The following LDLRAD4 variants were observed in gnomAD, a reference collection of about 807,000 sequenced individuals.
LDLRAD4 encodes the protein low density lipoprotein receptor class A domain containing 4.
LDLRAD4 carries 5 observed loss-of-function variants against 17.0 expected under a neutral mutation model. The observed-to-expected ratio is 0.29, with a 90% CI of 0.15 to 0.62. The LOEUF (loss-of-function observed/expected upper bound fraction) is 0.62. LDLRAD4 is among the 20% of genes least tolerant of loss of function. LDLRAD4 has a pLI of 0.84. For synonymous variants in LDLRAD4, 168 were observed against 171.8 expected (o/e 0.98, Z 0.17); for missense variants, 340 against 424.7 (o/e 0.80, Z 1.75).
intron 3 of LDLRAD4, among the ~76,000 whole-genome samples, chr18:13,483,653 C>G (rs2093150846): frequency 6.6e-6 from 1 of 152,208 alleles, no homozygotes; most frequent in Non-Finnish European, 1.5e-5. Context: ...TACCAAACGC[C>G]AGATACTGTG....
chr18:13,318,430 T>G (rs1332594733), intron 1 of LDLRAD4, among the ~76,000 whole-genome samples: 8 of 151,952 alleles, frequency 5.3e-5, no homozygotes, highest in African/African-American at 1.9e-4. Context: ...CCCGGCTAAT[T>G]TTTGTATTTT....
chr18:13,500,145 T>A (rs1413366361), intron 3 of LDLRAD4, among the ~76,000 whole-genome samples: 1 of 152,172 alleles, frequency 6.6e-6, no homozygotes, highest in East Asian at 1.9e-4. Context: ...TTAGGAAAGG[T>A]TGCTAGGCTT....
chr18:13,218,579 T>C (rs1567899803), upstream of LDLRAD4, among the ~76,000 whole-genome samples: 1 of 152,006 alleles, frequency 6.6e-6, no homozygotes, highest in Non-Finnish European at 1.5e-5. Context: ...ACCGGGGAGT[T>C]TGCGGGAAGG....
intron 3 of LDLRAD4, among the ~76,000 whole-genome samples, chr18:13,545,352 C>G (rs993948866): frequency 4.6e-5 from 7 of 152,182 alleles, no homozygotes; most frequent in African/African-American, 1.7e-4. Context: ...ATCTTTATGT[C>G]CAAGTTATAT....
chr18:13,612,488 C>A, intron 3 of LDLRAD4: 1 of 1,334,406 alleles, frequency 7.5e-7, no homozygotes. Flanking sequence ...AGTCTAGCAC[C>A]TGGGGTGGGC....
intron 2 of LDLRAD4, among the ~76,000 whole-genome samples, chr18:13,430,680 T>TA (rs2090275916): frequency 6.6e-6 from 1 of 152,200 alleles, no homozygotes; most frequent in Admixed American, 6.5e-5. Context: ...TACATACACA[T>TA]ATGCTGTATT....
chr18:13,426,896 A>C (rs1173482024), intron 2 of LDLRAD4, among the ~76,000 whole-genome samples: 2 of 152,202 alleles, frequency 1.3e-5, no homozygotes, highest in Non-Finnish European at 2.9e-5. Flanking sequence ...TTGAGATCTC[A>C]GAAGGAAGGC....
At chr18:13,638,726 C>T (rs1040960426) in intron 4 of LDLRAD4, among the ~76,000 whole-genome samples, 1 of 152,198 alleles carries the variant, frequency 6.6e-6, no homozygotes, top group African/African-American at 2.4e-5. Context: ...TCAAAGTGAT[C>T]CCTAGAGTAA....
At chr18:13,361,108 G>A (rs963860829) in intron 1 of LDLRAD4, among the ~76,000 whole-genome samples, 1 of 152,192 alleles carries the variant, frequency 6.6e-6, no homozygotes, top group African/African-American at 2.4e-5. Context: ...TCATCAGGAA[G>A]ACCGTCAGCA....
At chr18:13,426,450 C>G (rs2089943399) in intron 2 of LDLRAD4, among the ~76,000 whole-genome samples, 1 of 152,214 alleles carries the variant, frequency 6.6e-6, no homozygotes. Flanking sequence ...CCTAATAAAG[C>G]TGTAACTTTC....
chr18:13,382,926 C>T (rs1163571000), intron 1 of LDLRAD4, among the ~76,000 whole-genome samples: 1 of 152,272 alleles, frequency 6.6e-6, no homozygotes, highest in Non-Finnish European at 1.5e-5. Context: ...TGCTCTCTCT[C>T]TGTAGCCTGA....
intron 1 of LDLRAD4, among the ~76,000 whole-genome samples, chr18:13,339,637 C>CT (rs917023205): frequency 2.2e-4 from 33 of 151,962 alleles, no homozygotes; most frequent in African/African-American, 5.8e-4. Flanking sequence ...TAAAATAAAA[C>CT]TTTTTTTTAT....
Position 13,409,154 on chromosome 18 carries a change from T to G in LDLRAD4, c.40+21392T>G, listed in dbSNP as rs534012783. On this transcript the variant is annotated intron_variant, in intron 2 of 5. Coordinates refer to ENST00000359446, the Ensembl canonical transcript of LDLRAD4. ...CCGTGACATGGTATAATCACACTGT[T>G]TATTGTTTTTTGTTTGTTTGTTTGT... 9.9e-5 allele frequency among the ~76,000 whole-genome samples: 15 copies of G among 152,266 alleles called. 1 individual carries two copies. In the South Asian group the frequency reaches 2.3e-3, roughly 23 times the overall value.
chr18:13,465,903 T>C (rs1178648363), intron 3 of LDLRAD4, among the ~76,000 whole-genome samples: 1 of 152,194 alleles, frequency 6.6e-6, no homozygotes, highest in Non-Finnish European at 1.5e-5. Flanking sequence ...CCCCCTTTTT[T>C]GCCATATTAT....
intron 1 of LDLRAD4, among the ~76,000 whole-genome samples, chr18:13,307,837 C>T (rs558477692): frequency 1.4e-4 from 21 of 152,168 alleles, no homozygotes; most frequent in South Asian, 8.3e-4. Flanking sequence ...TTATATTATC[C>T]GTAATGGTCA....
intron 3 of LDLRAD4, among the ~76,000 whole-genome samples, chr18:13,565,348 A>G (rs185616363): frequency 6.6e-6 from 1 of 152,230 alleles, no homozygotes; most frequent in East Asian, 1.9e-4. Flanking sequence ...TGAGGGCCTG[A>G]ACCACAGAAG....
intron 3 of LDLRAD4, among the ~76,000 whole-genome samples, chr18:13,552,354 C>A (rs958534507): frequency 4.6e-5 from 7 of 152,210 alleles, no homozygotes; most frequent in African/African-American, 1.7e-4. Flanking sequence ...GGAAGGCATG[C>A]CTGCATGTCA....
chr18:13,321,875 A>G (rs1321013604), intron 1 of LDLRAD4, among the ~76,000 whole-genome samples: 198 of 26,796 alleles, frequency 7.4e-3, no homozygotes, highest in African/African-American at 0.046. Context: ...AAAAAAAAAA[A>G]AAAAAAAAAA....
At chr18:13,587,173 C>A (rs546117954) in intron 3 of LDLRAD4, among the ~76,000 whole-genome samples, 33 of 152,316 alleles carry the variant, frequency 2.2e-4, no homozygotes, top group African/African-American at 7.7e-4. Context: ...GGCCTCATGC[C>A]CAGAGCTCCC....
Sources: allele counts gnomAD v4.1 joint callset (sites outside exome capture counted in the v4.1 genomes callset), GRCh38; gene constraint gnomAD v4.1.1; transcripts MANE v1.5; gene names NCBI Gene and HGNC (gene_info 2026-07-23, HGNC 2026-07-21).